CUBN: variants seen among roughly 807,000 people sequenced by gnomAD.
CUBN encodes the protein 460 kDa receptor.
Under a neutral mutation model 405.3 loss-of-function variants are expected in CUBN, and 282 were observed. The ratio of observed to expected loss-of-function variants is 0.70; its 90% CI spans 0.63 to 0.77. The LOEUF is 0.77. Ranked by LOEUF, CUBN falls within the 30% of genes least tolerant of loss-of-function variation. The pLI, the probability that CUBN is intolerant of heterozygous loss-of-function variation, is 0.00. For synonymous variants in CUBN, 1,684 were observed against 1,617.0 expected, an observed-to-expected ratio of 1.04 and a Z score of -0.99; for missense variants, 4,514 against 4,475.2, an observed-to-expected ratio of 1.01 and a Z score of -0.25.
In CUBN at chr10:16,869,565, G is replaced by C. The variant is rs910664289; in HGVS notation, c.9454+71C>G. On this transcript the variant is annotated intron_variant, in intron 59 of 66. Transcript: ENST00000377833. ...TCATAATCAGGTGGGGGTGGGGGGG[G>C]GGCGGGGAAATTAAATAAAGCAGAA... The C allele has an allele frequency of 3.4e-5, 34 of 987,714 alleles. 1 individual carries two copies. Among genetic ancestry groups the C allele is most frequent in the South Asian group, 2.6e-4 (20 of 76,956 alleles). The allele number at this position is 987,714 out of a possible 1,614,324, so 61.2% of individuals were successfully genotyped here. A position where few individuals can be genotyped will look rare whatever the true frequency, so the allele number is the denominator to read the frequency against.
intron 28 of CUBN, among the ~76,000 whole-genome samples, chr10:17,012,898 C>T (rs1834223199): frequency 6.6e-6 from 1 of 152,188 alleles, no homozygotes; most frequent in Non-Finnish European, 1.5e-5. Flanking sequence ...AAGGGAGCTC[C>T]TCCTATGTCT....
intron 54 of CUBN, among the ~76,000 whole-genome samples, chr10:16,896,279 A>T (rs1376415999): frequency 1.3e-5 from 2 of 151,966 alleles, no homozygotes; most frequent in Non-Finnish European, 2.9e-5. Context: ...TTCTTTTCTC[A>T]TGCTCCACGG....
At position 16,992,454 on chromosome 10, in the gene CUBN, C is replaced by T. The variant is rs530418813; in HGVS notation, c.4169-1939G>A. On this transcript the variant is annotated intron_variant, in intron 28 of 66. Transcript: ENST00000377833. ...CCATTATGAGTAAACGTGCATTTTT[C>T]ACATAACATTAAACTACCATGGCTT... Among the ~76,000 whole-genome samples, 345 of 152,246 alleles carry T rather than the reference C, an allele frequency of 2.3e-3. 3 individuals carry two copies. Among genetic ancestry groups the T allele is most frequent in the African/African-American group, 7.6e-3 (316 of 41,550 alleles).
intron 63 of CUBN, 113 bp from the exon 64 acceptor site, chr10:16,835,308 T>C (rs1445895035): frequency 1.1e-6 from 1 of 944,428 alleles, no homozygotes; most frequent in Non-Finnish European, 1.7e-6. Flanking sequence ...TAGAAAAAAG[T>C]AATCCAGCTT....
chr10:17,119,501 A>T (rs1272178349), intron 6 of CUBN, among the ~76,000 whole-genome samples: 1 of 152,138 alleles, frequency 6.6e-6, no homozygotes, highest in Non-Finnish European at 1.5e-5. Flanking sequence ...CTCTACTAAA[A>T]ATACAAAAAT....
chr10:16,904,939 C>A (rs1333128094), intron 50 of CUBN, among the ~76,000 whole-genome samples: 2 of 152,186 alleles, frequency 1.3e-5, no homozygotes, highest in African/African-American at 4.8e-5. Context: ...ACTCTTCAGC[C>A]TCAGAGAGGT....
At chr10:16,953,156 C>T (rs1228884511) in intron 32 of CUBN, among the ~76,000 whole-genome samples, 2 of 152,020 alleles carry the variant, frequency 1.3e-5, no homozygotes, top group African/African-American at 4.8e-5. Flanking sequence ...CTTTTACAGG[C>T]GACTTTGGAG....
chr10:16,943,321 A>T (rs1480535494), intron 36 of CUBN, among the ~76,000 whole-genome samples: 1 of 152,224 alleles, frequency 6.6e-6, no homozygotes, highest in Non-Finnish European at 1.5e-5. Context: ...GAATTTTCAC[A>T]GCAAGCTATA....
At chr10:17,016,943 A>T (rs1834343178) in intron 28 of CUBN, among the ~76,000 whole-genome samples, 1 of 152,168 alleles carries the variant, frequency 6.6e-6, no homozygotes, top group African/African-American at 2.4e-5. Flanking sequence ...AAGCTGCAGG[A>T]TAGTATTGTA....
intron 62 of CUBN, among the ~76,000 whole-genome samples, chr10:16,836,839 C>T (rs1458777834): frequency 1.3e-5 from 2 of 152,304 alleles, no homozygotes; most frequent in Admixed American, 1.3e-4. Context: ...CACTGTACAT[C>T]CCCCAAGCCA....
Position 16,851,324 on chromosome 10 carries a change from G to T in CUBN, c.9574C>A (p.Pro3192Thr). ...NLNCVWIIIA[P>T]VNKVIHLTFN... ...GTGAGGTGAATTACTTTGTTTACAG[G>T]TGCAATTATGATCCATACACAGTTT... The change falls in exon 60 of 67, where the codon CCT (proline) becomes ACT (threonine). Residue 3192 changes from proline to threonine, a missense_variant. By Grantham distance (38) the Pro-to-Thr change is conservative (BLOSUM62 -1). Coordinates refer to ENST00000377833, the MANE Select transcript of CUBN (RefSeq NM_001081.4). 1 of 1,614,040 alleles carries T rather than the reference G, an allele frequency of 6.2e-7. No homozygotes were observed. Among genetic ancestry groups the T allele is most frequent in the Non-Finnish European group, 8.5e-7 (1 of 1,179,954 alleles).
chr10:16,879,204 C>T (rs1840600198), intron 56 of CUBN, among the ~76,000 whole-genome samples: 1 of 152,186 alleles, frequency 6.6e-6, no homozygotes, highest in South Asian at 2.1e-4. Flanking sequence ...ACTTCCAGTG[C>T]TCTGCAGGGA....
intron 31 of CUBN, among the ~76,000 whole-genome samples, chr10:16,966,520 C>G (rs1843397166): frequency 1.3e-5 from 2 of 151,962 alleles, no homozygotes; most frequent in South Asian, 4.2e-4. Context: ...GCAATCTCGG[C>G]TCACTGTAGC....
intron 51 of CUBN, among the ~76,000 whole-genome samples, chr10:16,903,624 T>C (rs943803256): frequency 1.4e-5 from 2 of 148,002 alleles, no homozygotes; most frequent in African/African-American, 4.9e-5. Flanking sequence ...TACAAAATAA[T>C]TTTAAAATTA....
At chr10:17,015,026 T>C (rs779044152) in intron 28 of CUBN, among the ~76,000 whole-genome samples, 4 of 152,180 alleles carry the variant, frequency 2.6e-5, no homozygotes, top group Admixed American at 6.5e-5. Context: ...CACCACCTCA[T>C]TGATGAGTCC....
chr10:16,963,142 C>G (rs1202293369), intron 31 of CUBN, among the ~76,000 whole-genome samples: 1 of 148,142 alleles, frequency 6.8e-6, no homozygotes, highest in Non-Finnish European at 1.5e-5. Flanking sequence ...TTTCTCATTT[C>G]GTTCCAGAAA....
chr10:16,967,524 T>C (rs12244831), intron 31 of CUBN, among the ~76,000 whole-genome samples: 29,101 of 152,068 alleles, frequency 0.19, 3,200 homozygotes, highest in Non-Finnish European at 0.25. Context: ...ATTTGGTTGT[T>C]AATAAGACAC....
At chr10:16,963,190 T>TC (rs1843285902) in intron 31 of CUBN, among the ~76,000 whole-genome samples, 1 of 58,956 alleles carries the variant, frequency 1.7e-5, no homozygotes. Context: ...TTCTTTTCTT[T>TC]TTTTTCTTTT....
rs555677062 is a variant in CUBN at position 16,996,979 on chromosome 10, A to C, written c.4169-6464T>G. On this transcript the variant is annotated intron_variant, in intron 28 of 66. Transcript: ENST00000377833. Reference sequence around the variant, plus strand: ...CCAAGGCACAGTGAAAGAGAATTAAATTTTAAAAGTAATTAGTGAGGATGT... The same window carrying C: ...CCAAGGCACAGTGAAAGAGAATTAACTTTTAAAAGTAATTAGTGAGGATGT... 2.6e-5 allele frequency among the ~76,000 whole-genome samples: 4 copies of C among 152,384 alleles called. No homozygotes were observed. The South Asian group carries it at 8.3e-4, about 32-fold the overall frequency.
Sources: allele counts gnomAD v4.1 joint callset (sites outside exome capture counted in the v4.1 genomes callset), GRCh38; gene constraint gnomAD v4.1.1; transcripts MANE v1.5; gene names NCBI Gene and HGNC (gene_info 2026-07-23, HGNC 2026-07-21).